Variants in SLC8A1 observed in about 807,000 individuals in gnomAD.
SLC8A1 encodes the protein sodium/calcium exchanger 1.
In SLC8A1, 18 loss-of-function variants were observed where a neutral mutation model predicts 68.3. The observed-to-expected ratio is 0.26, with a 90% CI of 0.18 to 0.39. The LOEUF is 0.39. SLC8A1 is among the 10% of genes least tolerant of loss of function. The pLI, the probability that SLC8A1 is intolerant of heterozygous loss-of-function variation, is 1.00. For missense variants in SLC8A1, 985 were observed against 1,156.7 expected, an observed-to-expected ratio of 0.85 and a Z score of 2.15; for synonymous variants, 475 against 415.5, an observed-to-expected ratio of 1.14 and a Z score of -1.74.
intron 6 of SLC8A1, among the ~76,000 whole-genome samples, chr2:40,150,270 A>G (rs2043179393): frequency 6.6e-6 from 1 of 152,158 alleles, no homozygotes; most frequent in Non-Finnish European, 1.5e-5. Flanking sequence ...TTGGAAAGAC[A>G]AGGTCTTTAT....
At chr2:40,219,121 T>A (rs1641454) in intron 2 of SLC8A1, among the ~76,000 whole-genome samples, 1 of 151,850 alleles carries the variant, frequency 6.6e-6, no homozygotes, top group Non-Finnish European at 1.5e-5. Context: ...CTCCTAATCT[T>A]GGGGAACCCA....
intron 2 of SLC8A1, among the ~76,000 whole-genome samples, chr2:40,398,419 A>G (rs184098082): frequency 6.6e-6 from 1 of 152,300 alleles, no homozygotes; most frequent in East Asian, 1.9e-4. Flanking sequence ...TTTCTACTGT[A>G]TGTAGTTAAA....
At chr2:40,133,396 G>T (rs1163907363) in intron 7 of SLC8A1, among the ~76,000 whole-genome samples, 1 of 63,244 alleles carries the variant, frequency 1.6e-5, no homozygotes, top group East Asian at 3.1e-4. Context: ...AAAATTGGGG[G>T]GGGGGGGGGT....
chr2:40,490,356 T>G (rs1245490040), intron 1 of SLC8A1, among the ~76,000 whole-genome samples: 2 of 152,180 alleles, frequency 1.3e-5, no homozygotes, highest in Non-Finnish European at 2.9e-5. Context: ...AGAATAATTT[T>G]GTCATATAGC....
Position 40,364,751 on chromosome 2 carries a change from C to T in SLC8A1, c.1808+63722G>A, listed in dbSNP as rs561835351. 2.0e-5 allele frequency among the ~76,000 whole-genome samples: 3 copies of T among 152,154 alleles called. No individual in the cohort carries two copies. The South Asian group carries it at 6.2e-4, about 32-fold the overall frequency. On this transcript the variant is annotated intron_variant, in intron 2 of 7. Transcript: ENST00000406785. Reference sequence around the variant, plus strand: ...TGCTCATTAAAGAGAAGCCTGCCCTCCTGGAAAGCCCTTACTTGTCAGCCC... The same window carrying T: ...TGCTCATTAAAGAGAAGCCTGCCCTTCTGGAAAGCCCTTACTTGTCAGCCC...
chr2:40,333,005 C>G (rs1233481283), intron 2 of SLC8A1, among the ~76,000 whole-genome samples: 1 of 152,182 alleles, frequency 6.6e-6, no homozygotes. Context: ...ATGTAGCTTT[C>G]TCTTCCTTAG....
intron 2 of SLC8A1, among the ~76,000 whole-genome samples, chr2:40,341,392 A>G (rs1337721379): frequency 6.6e-6 from 1 of 152,226 alleles, no homozygotes; most frequent in Admixed American, 6.5e-5. Flanking sequence ...AGTTAGAATC[A>G]TAACACCATG....
intron 1 of SLC8A1, among the ~76,000 whole-genome samples, chr2:40,474,697 C>T (rs541782801): frequency 1.3e-5 from 2 of 152,230 alleles, no homozygotes; most frequent in East Asian, 1.9e-4. Flanking sequence ...GATTTAGGTT[C>T]TAATATTATT....
intron 2 of SLC8A1, among the ~76,000 whole-genome samples, chr2:40,219,101 AT>A (rs2148826055): frequency 6.6e-6 from 1 of 152,220 alleles, no homozygotes; most frequent in Non-Finnish European, 1.5e-5. Flanking sequence ...GGAAGACTAC[AT>A]GTAGGATTCT....
chr2:40,272,975 C>T (rs925432508), intron 2 of SLC8A1, among the ~76,000 whole-genome samples: 3 of 152,184 alleles, frequency 2.0e-5, no homozygotes, highest in Admixed American at 2.0e-4. Flanking sequence ...TGGAGTCTCA[C>T]TCTGTCACCC....
rs558417530 is a variant in SLC8A1, at chr2:40,380,511, G to A, written c.1808+47962C>T. Among the ~76,000 whole-genome samples the A allele has an allele frequency of 2.0e-5, 3 of 152,134 alleles. No individual in the cohort carries two copies. In the South Asian group the frequency reaches 6.2e-4, roughly 32 times the overall value. ...TTTTTTTTAACACCAAGGACTATGAGACAGATGCAAAATCATTTTTGATTT... is the reference window on the plus strand; with the variant it reads ...TTTTTTTTAACACCAAGGACTATGAAACAGATGCAAAATCATTTTTGATTT... On this transcript the variant is annotated intron_variant, in intron 2 of 7. Transcript: ENST00000406785.
intron 2 of SLC8A1, among the ~76,000 whole-genome samples, chr2:40,179,413 CAAATGCAAAT>C (rs1207048771): frequency 6.6e-6 from 1 of 152,206 alleles, no homozygotes. Flanking sequence ...GCAGGTAGGA[CAAATGCAAAT>C]ATTATGCAAA....
At chr2:40,409,163 C>T (rs1326535770) in intron 2 of SLC8A1, among the ~76,000 whole-genome samples, 1 of 152,078 alleles carries the variant, frequency 6.6e-6, no homozygotes, top group East Asian at 1.9e-4. Context: ...ACAAATTTCC[C>T]TGCAATAGTC....
intron 2 of SLC8A1, among the ~76,000 whole-genome samples, chr2:40,286,651 T>C (rs952242218): frequency 2.0e-5 from 3 of 152,190 alleles, no homozygotes; most frequent in Non-Finnish European, 4.4e-5. Flanking sequence ...CTGGTGTTTC[T>C]GTTCCACTGA....
exon 8 of SLC8A1, chr2:40,113,431 C>G (rs1033235087): frequency 6.5e-6 from 1 of 152,678 alleles, no homozygotes; most frequent in African/African-American, 2.4e-5. Flanking sequence ...AACATAGAAA[C>G]AGCTATTCTT....
chr2:40,395,645 T>C (rs1559510850), intron 2 of SLC8A1, among the ~76,000 whole-genome samples: 1 of 152,044 alleles, frequency 6.6e-6, no homozygotes, highest in Non-Finnish European at 1.5e-5. Flanking sequence ...GGAAAGGTAG[T>C]GGAAGAGAAA....
chr2:40,300,240 G>A (rs1225354256), intron 2 of SLC8A1, among the ~76,000 whole-genome samples: 1 of 152,150 alleles, frequency 6.6e-6, no homozygotes, highest in Non-Finnish European at 1.5e-5. Flanking sequence ...TATATGTTAA[G>A]TACAATGCTA....
At chr2:40,383,247 A>G (rs116377898) in intron 2 of SLC8A1, among the ~76,000 whole-genome samples, 1,852 of 152,220 alleles carry the variant, frequency 0.012, 29 homozygotes, top group African/African-American at 0.041. Context: ...TGGAGAGGCT[A>G]TTGTTTGTAT....
chr2:40,376,315 T>C lies in SLC8A1; in HGVS notation c.1808+52158A>G, dbSNP rs141397756. 3.6e-3 allele frequency among the ~76,000 whole-genome samples: 550 copies of C among 152,198 alleles called. 6 individuals are homozygous for C. The highest frequency in any genetic ancestry group is 0.023 in the South Asian group (111 of 4,822). Reference sequence around the variant, plus strand: ...CCAATTTTGCTTGTCAATATTTTGGTAAATAATCATGGTCACCTGGGATTA... The same window carrying C: ...CCAATTTTGCTTGTCAATATTTTGGCAAATAATCATGGTCACCTGGGATTA... On this transcript the variant is annotated intron_variant, in intron 2 of 7. Transcript: ENST00000406785.
Sources: gnomAD v4.1 joint callset for allele counts (sites outside exome capture counted in the v4.1 genomes callset) on GRCh38, gnomAD v4.1.1 for gene constraint, MANE v1.5 for transcripts, NCBI Gene and HGNC (gene_info 2026-07-23, HGNC 2026-07-21) for gene names.